Variants in LRP1B observed in about 807,000 individuals in gnomAD.
The protein encoded by LRP1B is LDL receptor related protein 1B.
A neutral mutation model predicts 556.6 loss-of-function variants in LRP1B; 217 were observed. That is an observed-to-expected ratio of 0.39 (90% CI 0.35 to 0.44). LRP1B has a LOEUF of 0.44. LRP1B is among the 20% of genes least tolerant of loss of function. The pLI is 1.00. For synonymous variants in LRP1B, 2,047 were observed against 1,865.8 expected (o/e 1.10, Z -2.50); for missense variants, 5,053 against 5,620.8 (o/e 0.90, Z 3.23).
intron 32 of LRP1B, among the ~76,000 whole-genome samples, chr2:140,807,997 C>A (rs1690783614): frequency 6.6e-6 from 1 of 152,162 alleles, no homozygotes; most frequent in South Asian, 2.1e-4. Context: ...GAGGCTGAGG[C>A]ACAAGAATCA....
intron 2 of LRP1B, among the ~76,000 whole-genome samples, chr2:141,740,797 G>A (rs1327979449): frequency 1.3e-5 from 2 of 152,136 alleles, no homozygotes; most frequent in Non-Finnish European, 2.9e-5. Context: ...GGCCTCGGAA[G>A]CCTCTGGCTC....
intron 41 of LRP1B, among the ~76,000 whole-genome samples, chr2:140,618,235 A>G (rs1254024344): frequency 6.6e-6 from 1 of 151,934 alleles, no homozygotes; most frequent in African/African-American, 2.4e-5. Flanking sequence ...ACAGAGAAAA[A>G]ATAAAAATAA....
chr2:141,879,729 A>C (rs1388794434), intron 1 of LRP1B, among the ~76,000 whole-genome samples: 1 of 152,020 alleles, frequency 6.6e-6, no homozygotes, highest in African/African-American at 2.4e-5. Flanking sequence ...CTGGGATAAA[A>C]CAGACAAACA....
intron 1 of LRP1B, among the ~76,000 whole-genome samples, chr2:141,966,853 C>T (rs928726524): frequency 1.3e-5 from 2 of 151,758 alleles, no homozygotes; most frequent in Non-Finnish European, 2.9e-5. Flanking sequence ...AATTTGTATG[C>T]CCCTCTATGA....
intron 21 of LRP1B, among the ~76,000 whole-genome samples, chr2:140,919,525 G>C (rs544599856): frequency 6.6e-6 from 1 of 151,992 alleles, no homozygotes; most frequent in Admixed American, 6.6e-5. Flanking sequence ...TCCAGGTTCT[G>C]ATTTCCAGTA....
intron 66 of LRP1B, among the ~76,000 whole-genome samples, chr2:140,417,335 A>C (rs1053761971): frequency 5.3e-5 from 8 of 152,338 alleles, no homozygotes; most frequent in African/African-American, 1.9e-4. Context: ...AAAAGGCTGC[A>C]GTTGAAAAGG....
chr2:140,464,487 G>A, intron 60 of LRP1B, among the ~76,000 whole-genome samples: 1 of 152,110 alleles, frequency 6.6e-6, no homozygotes, highest in East Asian at 1.9e-4. Context: ...GAGTATTCCT[G>A]TTAATGAATG....
At chr2:141,937,023 A>T (rs1700653289) in intron 1 of LRP1B, among the ~76,000 whole-genome samples, 1 of 152,088 alleles carries the variant, frequency 6.6e-6, no homozygotes, top group African/African-American at 2.4e-5. Flanking sequence ...CACTTAATTC[A>T]AAAAGCTCTT....
chr2:140,349,449 TG>T (rs1681859077), intron 77 of LRP1B, among the ~76,000 whole-genome samples: 1 of 151,930 alleles, frequency 6.6e-6, no homozygotes. Flanking sequence ...ATACTTCCTA[TG>T]TACCTAGAAA....
At chr2:140,810,209 T>G (rs1690871103) in intron 32 of LRP1B, among the ~76,000 whole-genome samples, 1 of 152,042 alleles carries the variant, frequency 6.6e-6, no homozygotes, top group South Asian at 2.1e-4. Context: ...AGAGATTTTT[T>G]TTAACATAGC....
At chr2:141,458,941 G>A (rs1266905303) in intron 3 of LRP1B, among the ~76,000 whole-genome samples, 1 of 152,122 alleles carries the variant, frequency 6.6e-6, no homozygotes, top group Non-Finnish European at 1.5e-5. Context: ...ACAGTAATAT[G>A]TAGAAAGGAA....
chr2:141,425,029 A>T (rs928943561), intron 3 of LRP1B, among the ~76,000 whole-genome samples: 1 of 151,014 alleles, frequency 6.6e-6, no homozygotes, highest in Non-Finnish European at 1.5e-5. Flanking sequence ...TTAACTCGTC[A>T]TTTAGCATTA....
chr2:142,114,498 C>A (rs1458705114), intron 1 of LRP1B, among the ~76,000 whole-genome samples: 2 of 151,962 alleles, frequency 1.3e-5, no homozygotes, highest in Non-Finnish European at 2.9e-5. Flanking sequence ...TTCATAACAG[C>A]CAAGATATGA....
At chr2:141,379,183 C>T (rs1689545411) in intron 3 of LRP1B, among the ~76,000 whole-genome samples, 2 of 151,988 alleles carry the variant, frequency 1.3e-5, no homozygotes, top group African/African-American at 2.4e-5. Flanking sequence ...CATCAGAACA[C>T]GTGAAGACTG....
chr2:140,499,735 T>C (rs1407067084), intron 55 of LRP1B, among the ~76,000 whole-genome samples: 1 of 145,594 alleles, frequency 6.9e-6, no homozygotes, highest in African/African-American at 2.5e-5. Flanking sequence ...AGTAAAAATA[T>C]TTAGAAACGT....
In LRP1B at chr2:140,701,882, C is replaced by T. The variant is rs745352463; in HGVS notation, c.6303-37G>A. The T allele has an allele frequency of 1.2e-5, 20 of 1,610,940 alleles. 1 individual carries two copies. The highest frequency in any genetic ancestry group is 1.1e-4 in the South Asian group (10 of 90,684). The stretch of plus-strand genomic sequence containing the variant: ...TTGAACATACATGATCAACAATCTT[C>T]GACTAATTAAAGTCAAGCCAGTTAC... On this transcript the variant is annotated intron_variant, in intron 39 of 90. Coordinates refer to ENST00000389484, the MANE Select transcript of LRP1B (RefSeq NM_018557.3).
intron 6 of LRP1B, among the ~76,000 whole-genome samples, chr2:141,226,690 A>G (rs1683263098): frequency 6.6e-6 from 1 of 152,142 alleles, no homozygotes; most frequent in South Asian, 2.1e-4. Context: ...CAAAGATTTT[A>G]TGTAATTATA....
intron 1 of LRP1B, among the ~76,000 whole-genome samples, chr2:142,091,332 G>A (rs1360979914): frequency 3.3e-5 from 5 of 152,098 alleles, no homozygotes; most frequent in African/African-American, 1.2e-4. Context: ...GATAGGTGCT[G>A]TTAGTGACTC....
chr2:141,543,374 G>T (rs2105213744), intron 2 of LRP1B, among the ~76,000 whole-genome samples: 2 of 151,672 alleles, frequency 1.3e-5, no homozygotes, highest in South Asian at 4.2e-4. Flanking sequence ...AATTATTCAG[G>T]CATGACAGTA....
Sources: allele counts gnomAD v4.1 joint callset (sites outside exome capture counted in the v4.1 genomes callset), GRCh38; gene constraint gnomAD v4.1.1; transcripts MANE v1.5; gene names NCBI Gene and HGNC (gene_info 2026-07-23, HGNC 2026-07-21).